HSD17B11: variants seen among roughly 807,000 people sequenced by gnomAD.
HSD17B11 encodes estradiol 17-beta-dehydrogenase 11.
HSD17B11 carries 22 observed loss-of-function variants against 27.8 expected under a neutral mutation model. That is an observed-to-expected ratio of 0.79 (90% CI 0.56 to 1.13). The LOEUF (loss-of-function observed/expected upper bound fraction) is 1.13. Ranked by LOEUF, HSD17B11 falls within the 50% of genes most tolerant of loss-of-function variation. The probability of loss-of-function intolerance (pLI) is 0.00; values close to 1 mark genes in which losing one functional copy is unlikely to be tolerated. For synonymous variants in HSD17B11, 117 were observed against 132.8 expected (o/e 0.88, Z 0.82); for missense variants, 314 against 351.1 (o/e 0.89, Z 0.84).
At chr4:87,354,949 CAAAA>C (rs11305478) in intron 5 of HSD17B11, among the ~76,000 whole-genome samples, 4 of 91,920 alleles carry the variant, frequency 4.4e-5, no homozygotes, top group Non-Finnish European at 6.3e-5. Context: ...TCCTGGCTCT[CAAAA>C]AAAAAAAAAA....
intron 2 of HSD17B11, among the ~76,000 whole-genome samples, chr4:87,378,931 T>A (rs866026203): frequency 3.3e-4 from 7 of 21,528 alleles, no homozygotes; most frequent in African/African-American, 9.8e-4. Flanking sequence ...TATATATAAA[T>A]ATATATATAT....
chr4:87,384,595 G>A (rs1720256937), intron 1 of HSD17B11, among the ~76,000 whole-genome samples: 1 of 151,968 alleles, frequency 6.6e-6, no homozygotes, highest in African/African-American at 2.4e-5. Flanking sequence ...GTCTATAAAT[G>A]GCTGCTCTGG....
At chr4:87,383,748 T>C (rs1232496931) in intron 1 of HSD17B11, among the ~76,000 whole-genome samples, 1 of 146,062 alleles carries the variant, frequency 6.8e-6, no homozygotes, top group Non-Finnish European at 1.5e-5. Context: ...ATTTTTGCCT[T>C]TTTTTTTTTT....
chr4:87,344,768 T>C (rs1735238498), intron 5 of HSD17B11, among the ~76,000 whole-genome samples: 1 of 152,202 alleles, frequency 6.6e-6, no homozygotes, highest in African/African-American at 2.4e-5. Context: ...AATCTCAATA[T>C]GTTTTAAAAG....
chr4:87,341,260 C>T (rs1192846841), intron 5 of HSD17B11, among the ~76,000 whole-genome samples: 1 of 152,070 alleles, frequency 6.6e-6, no homozygotes, highest in Non-Finnish European at 1.5e-5. Context: ...CAACCTCCAC[C>T]TACTGGGTTC....
intron 6 of HSD17B11, among the ~76,000 whole-genome samples, chr4:87,338,059 T>C (rs1206254554): frequency 6.6e-6 from 1 of 152,056 alleles, no homozygotes; most frequent in African/African-American, 2.4e-5. Flanking sequence ...CTACTAAAAA[T>C]ACAAAAAATT....
intron 4 of HSD17B11, among the ~76,000 whole-genome samples, chr4:87,360,618 G>T (rs898279359): frequency 6.6e-6 from 1 of 152,198 alleles, no homozygotes; most frequent in Non-Finnish European, 1.5e-5. Context: ...AGCCACTGTT[G>T]AAGTGATGTT....
chr4:87,389,597 C>T (rs141264302), intron 1 of HSD17B11, among the ~76,000 whole-genome samples: 1 of 152,286 alleles, frequency 6.6e-6, no homozygotes, highest in Non-Finnish European at 1.5e-5. Flanking sequence ...TGTTTGTCAC[C>T]CTATCCCTAA....
Position 87,391,099 on chromosome 4 carries a change from G to GTTTTTTT in HSD17B11, c.-36_-30dup. The GTTTTTTT allele has an allele frequency of 7.7e-7, 1 of 1,291,340 alleles. No individual in the cohort carries two copies. The highest frequency in any genetic ancestry group is 1.1e-6 in the Non-Finnish European group (1 of 945,822). The allele number at this position is 1,291,340 out of a possible 1,614,324, so 80.0% of individuals were successfully genotyped here. A position where few individuals can be genotyped will look rare whatever the true frequency, so the allele number is the denominator to read the frequency against. ...TTTTGTGGCTGCGAGCGTTTGGTGTGTTTTTTTTTTTTTTTACCACTCTAA... is the reference window on the plus strand; with the variant it reads ...TTTTGTGGCTGCGAGCGTTTGGTGTGTTTTTTTTTTTTTTTTTTTTTTACCACTCTAA... On this transcript the variant is annotated 5_prime_UTR_variant, in exon 1 of 7. Transcript: ENST00000358290.
rs540397322 is a variant in HSD17B11, at chr4:87,366,646, C to T, written c.557+6063G>A. Among the ~76,000 whole-genome samples the T allele has an allele frequency of 3.9e-5, 6 of 152,144 alleles. No homozygotes were observed. The South Asian group carries it at 8.3e-4, about 21-fold the overall frequency. On this transcript the variant is annotated intron_variant, in intron 4 of 6. Coordinates refer to ENST00000358290, the MANE Select transcript of HSD17B11 (RefSeq NM_016245.5). ...AAAATTTTGTATGCCACAAAAGTAA[C>T]CAAATTTCCTTATCAATTGTGGCTT...
At chr4:87,375,569 C>G (rs1735804956) in intron 2 of HSD17B11, among the ~76,000 whole-genome samples, 1 of 152,178 alleles carries the variant, frequency 6.6e-6, no homozygotes, top group Non-Finnish European at 1.5e-5. Flanking sequence ...TGGAGAAACC[C>G]TGTCTCTACT....
At chr4:87,367,572 T>C (rs1735633213) in intron 4 of HSD17B11, among the ~76,000 whole-genome samples, 1 of 152,218 alleles carries the variant, frequency 6.6e-6, no homozygotes, top group Admixed American at 6.5e-5. Flanking sequence ...CCAAGTATAA[T>C]AAAGCAAATC....
intron 4 of HSD17B11, among the ~76,000 whole-genome samples, chr4:87,357,948 A>ATTTTTTTTTTTTTTTTTTT (rs748955521): frequency 8.2e-5 from 8 of 97,388 alleles, no homozygotes; most frequent in East Asian, 3.5e-4. Flanking sequence ...TCATTAGAGA[A>ATTTTTTTTTTTTTTTTTTT]ATTTTTTTTT....
chr4:87,378,073 G>A (rs1735877108), intron 2 of HSD17B11, among the ~76,000 whole-genome samples: 1 of 152,248 alleles, frequency 6.6e-6, no homozygotes, highest in South Asian at 2.1e-4. Context: ...CAGAAAGGAG[G>A]CCATGGGCAA....
chr4:87,387,371 C>G (rs1720347963), intron 1 of HSD17B11, among the ~76,000 whole-genome samples: 1 of 152,174 alleles, frequency 6.6e-6, no homozygotes. Flanking sequence ...AAGAGATTGT[C>G]TTTGTACTCT....
At position 87,389,686 on chromosome 4, in the gene HSD17B11, C is replaced by T. The variant is rs940287995; in HGVS notation, c.210+1175G>A. On this transcript the variant is annotated intron_variant, in intron 1 of 6. Coordinates refer to ENST00000358290, the MANE Select transcript of HSD17B11 (RefSeq NM_016245.5). ...CACTGGGTTAACCCTCATTTAACTT[C>T]ACATCCTTTGAATTATTGTTTACAG... 2.0e-5 allele frequency among the ~76,000 whole-genome samples: 3 copies of T among 152,322 alleles called. No individual in the cohort carries two copies. The East Asian group carries it at 5.8e-4, about 29-fold the overall frequency.
At chr4:87,337,854 A>C (rs1331201894) in intron 6 of HSD17B11, among the ~76,000 whole-genome samples, 1 of 152,240 alleles carries the variant, frequency 6.6e-6, no homozygotes, top group Non-Finnish European at 1.5e-5. Flanking sequence ...TAAATTCCTC[A>C]CGTGTAAATG....
At chr4:87,387,880 A>G (rs747610808) in intron 1 of HSD17B11, among the ~76,000 whole-genome samples, 7 of 152,144 alleles carry the variant, frequency 4.6e-5, no homozygotes, top group Non-Finnish European at 7.4e-5. Context: ...CCGGTTCAAT[A>G]GTCCCCATCA....
At chr4:87,378,903 TAA>T (rs1491538071) in intron 2 of HSD17B11, among the ~76,000 whole-genome samples, 3,011 of 18,414 alleles carry the variant, frequency 0.16, 529 homozygotes, top group East Asian at 0.39. Context: ...TAAATATATA[TAA>T]ATATATATAT....
Sources: allele counts gnomAD v4.1 joint callset (sites outside exome capture counted in the v4.1 genomes callset), GRCh38; gene constraint gnomAD v4.1.1; transcripts MANE v1.5; gene names NCBI Gene and HGNC (gene_info 2026-07-23, HGNC 2026-07-21).